Variants in JMJD1C observed in about 807,000 individuals in gnomAD.
The protein encoded by JMJD1C is jumonji domain containing 1C, also known as jumonji domain-containing protein 1C.
In JMJD1C, 31 loss-of-function variants were observed where a neutral mutation model predicts 245.3. The observed-to-expected ratio is 0.13, with a 90% CI of 0.09 to 0.17. JMJD1C has a LOEUF of 0.17. Among genes scored for constraint, JMJD1C ranks in the 10% least tolerant of loss-of-function variants. The pLI, the probability that JMJD1C is intolerant of heterozygous loss-of-function variation, is 1.00. For synonymous variants in JMJD1C, 1,057 were observed against 1,017.4 expected (o/e 1.04, Z -0.74); for missense variants, 2,691 against 3,000.2 (o/e 0.90, Z 2.41).
At chr10:63,486,939 T>G (rs375181276) in intron 1 of JMJD1C, among the ~76,000 whole-genome samples, 81 of 152,336 alleles carry the variant, frequency 5.3e-4, no homozygotes, top group African/African-American at 1.9e-3. Flanking sequence ...TACGGATGAA[T>G]AAAGTGAGGC....
At chr10:63,463,614 G>A (rs1952956347) in intron 1 of JMJD1C, among the ~76,000 whole-genome samples, 1 of 151,900 alleles carries the variant, frequency 6.6e-6, no homozygotes. Flanking sequence ...TAGATTCTAG[G>A]CTAAAAAAAC....
chr10:63,344,499 TAA>T lies in JMJD1C; in HGVS notation c.333+35817_333+35818del, dbSNP rs1943642247. ...CCATTAAGTGATGCATGGCTATTCGTAAAAGAGAACTGAAAAAAACCTTTGTG... is the reference window on the plus strand; with the variant it reads ...CCATTAAGTGATGCATGGCTATTCGTAAGAGAACTGAAAAAAACCTTTGTG... On this transcript the variant is annotated intron_variant, in intron 2 of 25. Coordinates refer to ENST00000399262, the MANE Select transcript of JMJD1C (RefSeq NM_032776.3). Among the ~76,000 whole-genome samples the T allele has an allele frequency of 3.3e-5, 5 of 152,218 alleles. No individual in the cohort carries two copies. In the South Asian group the frequency reaches 1.0e-3, roughly 32 times the overall value.
chr10:63,244,817 A>AAG (rs1851957726), intron 3 of JMJD1C, among the ~76,000 whole-genome samples: 2 of 52,966 alleles, frequency 3.8e-5, no homozygotes, highest in Non-Finnish European at 8.1e-5. Flanking sequence ...TTAAAAAAAA[A>AAG]GGGGGGGGGA....
At chr10:63,240,443 T>C (rs1055994730) in intron 3 of JMJD1C, among the ~76,000 whole-genome samples, 1 of 152,090 alleles carries the variant, frequency 6.6e-6, no homozygotes, top group Admixed American at 6.6e-5. Context: ...AAAGGTTCAG[T>C]AGGACAGTGA....
At chr10:63,342,359 T>C (rs1198967157) in intron 2 of JMJD1C, among the ~76,000 whole-genome samples, 1 of 152,194 alleles carries the variant, frequency 6.6e-6, no homozygotes, top group African/African-American at 2.4e-5. Flanking sequence ...ATCATGTCAG[T>C]TTATAAAATC....
At chr10:63,225,991 C>G (rs897584538) in intron 3 of JMJD1C, among the ~76,000 whole-genome samples, 34 of 151,544 alleles carry the variant, frequency 2.2e-4, no homozygotes, top group Admixed American at 1.9e-3. Flanking sequence ...CCCCACCCCC[C>G]CCTTCCCTCC....
chr10:63,420,576 A>G, intron 1 of JMJD1C, among the ~76,000 whole-genome samples: 1 of 148,746 alleles, frequency 6.7e-6, no homozygotes, highest in Non-Finnish European at 1.5e-5. Flanking sequence ...ATGGTGGCAC[A>G]CGCCTTTAGT....
At chr10:63,268,477 A>G (rs1290699050) in intron 2 of JMJD1C, among the ~76,000 whole-genome samples, 4 of 152,198 alleles carry the variant, frequency 2.6e-5, no homozygotes, top group Admixed American at 2.6e-4. Flanking sequence ...TAACATTTAC[A>G]GTTATTAAAT....
chr10:63,488,285 GACCAGAAGACTTTA>G (rs1954061438), intron 1 of JMJD1C, among the ~76,000 whole-genome samples: 1 of 152,168 alleles, frequency 6.6e-6, no homozygotes, highest in South Asian at 2.1e-4. Flanking sequence ...TGATCCATCA[GACCAGAAGACTTTA>G]ACCATGTGGA....
intron 20 of JMJD1C, among the ~76,000 whole-genome samples, chr10:63,185,323 G>C (rs2132910739): frequency 6.6e-6 from 1 of 152,096 alleles, no homozygotes; most frequent in African/African-American, 2.4e-5. Context: ...GTAGAGATAA[G>C]GTTTTGTCAT....
intron 2 of JMJD1C, among the ~76,000 whole-genome samples, chr10:63,363,089 G>A (rs1439051167): frequency 6.6e-6 from 1 of 151,912 alleles, no homozygotes; most frequent in East Asian, 1.9e-4. Flanking sequence ...TTCATTTAAT[G>A]CACTTGTCCT....
intron 1 of JMJD1C, among the ~76,000 whole-genome samples, chr10:63,429,352 A>T (rs924564139): frequency 1.3e-5 from 2 of 152,158 alleles, no homozygotes; most frequent in Non-Finnish European, 2.9e-5. Flanking sequence ...GGAAGAAGAA[A>T]AAAAAAAGAC....
intron 1 of JMJD1C, among the ~76,000 whole-genome samples, chr10:63,415,274 C>T (rs543226019): frequency 7.8e-3 from 38 of 4,858 alleles, no homozygotes; most frequent in Admixed American, 0.027. Context: ...TGTCATTATT[C>T]ATTTAAAAGC....
chr10:63,219,825 T>C lies in JMJD1C; in HGVS notation c.553+53A>G, dbSNP rs552794545. On this transcript the variant is annotated intron_variant, in intron 4 of 25. Transcript: ENST00000399262. Reference sequence around the variant, plus strand: ...ACAATTGAATAACCAAAAACAAATATGATAAGTTGCCTAGATCCAAAAAAA... The same window carrying C: ...ACAATTGAATAACCAAAAACAAATACGATAAGTTGCCTAGATCCAAAAAAA... 4.0e-4 allele frequency: 505 copies of C among 1,253,516 alleles called. 3 individuals are homozygous for C. Among genetic ancestry groups the C allele is most frequent in the Middle Eastern group, 1.3e-3 (7 of 5,242 alleles). The allele number at this position is 1,253,516 out of a possible 1,614,324, so 77.6% of individuals were successfully genotyped here.
At chr10:63,249,240 T>C (rs1852705903) in intron 3 of JMJD1C, among the ~76,000 whole-genome samples, 1 of 151,844 alleles carries the variant, frequency 6.6e-6, no homozygotes, top group South Asian at 2.1e-4. Flanking sequence ...CGTTTGAACC[T>C]GGGAGGCAGA....
chr10:63,214,309 G>C lies in JMJD1C; in HGVS notation c.1858C>G (p.Pro620Ala), dbSNP rs897181564. ...EDKLHKRSPP[P>A]ETIKSKLNTS... The stretch of plus-strand genomic sequence containing the variant: ...TTAAGTTTAGATTTTATAGTCTCTG[G>C]AGGTGGACTTCGCTTATGCAGCTTA... The change falls in exon 8 of 26, where the codon CCA becomes GCA. Residue 620 changes from proline to alanine, a missense_variant. This residue lies in a region of JMJD1C where 1,562 missense variants were observed against 1,490.7 expected (regional missense o/e 1.05). Coordinates refer to ENST00000399262, the MANE Select transcript of JMJD1C (RefSeq NM_032776.3). The C allele has an allele frequency of 3.1e-6, 5 of 1,613,866 alleles. No homozygotes were observed. Among genetic ancestry groups the C allele is most frequent in the African/African-American group, 1.3e-5 (1 of 74,920 alleles).
intron 3 of JMJD1C, among the ~76,000 whole-genome samples, chr10:63,255,071 C>CCTGA (rs1410275634): frequency 6.6e-6 from 1 of 151,994 alleles, no homozygotes; most frequent in Non-Finnish European, 1.5e-5. Context: ...GTCTCAAATG[C>CCTGA]CTGAGCTCAA....
intron 1 of JMJD1C, among the ~76,000 whole-genome samples, chr10:63,480,653 T>C (rs1398207340): frequency 1.3e-5 from 2 of 152,108 alleles, no homozygotes; most frequent in Non-Finnish European, 2.9e-5. Context: ...AAAACTATTA[T>C]TCATCACAGC....
chr10:63,324,039 CTTTT>C (rs71463513), intron 2 of JMJD1C, among the ~76,000 whole-genome samples: 2 of 136,134 alleles, frequency 1.5e-5, no homozygotes, highest in South Asian at 2.4e-4. Context: ...CTTCGTCTGC[CTTTT>C]TTTTTTTTTT....
Sources: gnomAD v4.1 joint callset for allele counts (sites outside exome capture counted in the v4.1 genomes callset) on GRCh38, gnomAD v4.1.1 for gene constraint, gnomAD v4.1.1 regional missense constraint, MANE v1.5 for transcripts, NCBI Gene and HGNC (gene_info 2026-07-23, HGNC 2026-07-21) for gene names.